Variants in PCNT observed in about 807,000 individuals in gnomAD.
The protein encoded by PCNT is pericentrin, also known as kendrin.
In PCNT, 319 loss-of-function variants were observed where a neutral mutation model predicts 380.4. The observed-to-expected ratio is 0.84, with a 90% CI of 0.77 to 0.92. The LOEUF is 0.92. PCNT is among the 40% of genes least tolerant of loss of function. PCNT has a pLI of 0.00. For missense variants in PCNT, 4,400 were observed against 4,255.3 expected, an observed-to-expected ratio of 1.03 and a Z score of -0.95; for synonymous variants, 1,845 against 1,735.2, an observed-to-expected ratio of 1.06 and a Z score of -1.57.
intron 32 of PCNT, among the ~76,000 whole-genome samples, 166 bp downstream of exon 32, chr21:46,422,290 C>T (rs1419425802): frequency 6.6e-6 from 1 of 152,190 alleles, no homozygotes; most frequent in East Asian, 1.9e-4. Context: ...CCCACGGTGG[C>T]CCCGGAAGCC....
chr21:46,379,043 C>T (rs1036628146), intron 15 of PCNT, among the ~76,000 whole-genome samples: 3 of 152,158 alleles, frequency 2.0e-5, no homozygotes, highest in East Asian at 1.9e-4. Flanking sequence ...TGTTTCAGCC[C>T]GAAGGACTTC....
rs1468321620 is a variant in PCNT, at chr21:46,366,857, G to A, written c.2883G>A (p.Glu961=). 1.2e-6 allele frequency: 2 copies of A among 1,614,102 alleles called. No individual in the cohort carries two copies. The highest frequency in any genetic ancestry group is 1.7e-5 in the Admixed American group (1 of 60,030). ...TKHAADLGAL[E]TRHLSSLDSL... is the part of the protein sequence containing the mutation. The stretch of plus-strand genomic sequence containing the variant: ...ACGCTGCCGACCTCGGCGCTCTGGA[G>A]ACCAGACATCTGTCCAGCCTTGATT... The change falls in exon 15 of 47, where the codon GAG becomes GAA. Residue 961 remains glutamate, a synonymous_variant. Coordinates refer to ENST00000359568, the MANE Select transcript of PCNT (RefSeq NM_006031.6).
Position 46,436,994 on chromosome 21 carries a change from G to C in PCNT, c.9012G>C (p.Trp3004Cys). The C allele has an allele frequency of 6.2e-7, 1 of 1,613,806 alleles. No individual in the cohort carries two copies. Among genetic ancestry groups the C allele is most frequent in the Non-Finnish European group, 8.5e-7 (1 of 1,179,664 alleles). Reference sequence around the variant, plus strand: ...ATTTTTACAGGACAGTTAATGATTGGACGTCATCCAATGAGAAAGCAGTGA... The same window carrying C: ...ATTTTTACAGGACAGTTAATGATTGCACGTCATCCAATGAGAAAGCAGTGA... ...SQAVDRTVNDWTSSNEKAVMS... is the reference protein window; with the variant it reads ...SQAVDRTVNDCTSSNEKAVMS... Residue 3004 changes from tryptophan (W) to cysteine (C), a missense_variant, in exon 40 of 47, where the codon TGG becomes TGC. By Grantham distance (215) the Trp-to-Cys change is radical. Transcript: ENST00000359568.
Position 46,445,325 on chromosome 21 carries a change from T to G in PCNT, c.10009T>G (p.Ter3337GlyextTer38). ...KKSCHPMIKQ[*>G] The stretch of plus-strand genomic sequence containing the variant: ...ATCCTGCCACCCGATGATTAAACAG[T>G]GAATAAAATGTCATGGCTCTTTCCT... Residue 3337 changes from the stop codon to glycine (G), a stop_lost, in exon 47 of 47, where the codon TGA (stop) becomes GGA (glycine). Coordinates refer to ENST00000359568, the MANE Select transcript of PCNT (RefSeq NM_006031.6). The G allele has an allele frequency of 6.2e-7, 1 of 1,602,094 alleles. No individual in the cohort carries two copies.
intron 15 of PCNT, among the ~76,000 whole-genome samples, chr21:46,367,421 C>T (rs1413183621): frequency 1.3e-5 from 2 of 151,560 alleles, no homozygotes; most frequent in Non-Finnish European, 2.9e-5. Context: ...GATTCTTCTG[C>T]CTCAGCCTCC....
chr21:46,399,160 T>A (rs2086313816), intron 24 of PCNT, among the ~76,000 whole-genome samples: 1 of 152,130 alleles, frequency 6.6e-6, no homozygotes, highest in African/African-American at 2.4e-5. Flanking sequence ...TTCATTTTCC[T>A]AACAAATTCT....
chr21:46,363,547 T>TGA lies in PCNT; in HGVS notation c.2223_2224dup (p.Lys742ArgfsTer15). ...AATGCTAAGCAAAAGACTGAGCTGA[T>TGA]GAAACAGGAATTCCAAAGAAAAGAA... is the stretch of plus-strand genomic sequence containing the variant. On this transcript the variant is annotated frameshift_variant, in exon 14 of 47. Transcript: ENST00000359568. LOFTEE classifies it high-confidence loss of function. 6.2e-7 allele frequency: 1 copy of TGA among 1,613,932 alleles called. No homozygotes were observed. The highest frequency in any genetic ancestry group is 8.5e-7 in the Non-Finnish European group (1 of 1,179,958).
chr21:46,359,307 C>T (rs1025403690), intron 13 of PCNT, among the ~76,000 whole-genome samples: 1 of 144,672 alleles, frequency 6.9e-6, no homozygotes, highest in Non-Finnish European at 1.5e-5. Context: ...CACCATTTTA[C>T]CTCCTTATAT....
chr21:46,333,598 C>CAAA (rs1265854909), intron 2 of PCNT, among the ~76,000 whole-genome samples: 1 of 132,354 alleles, frequency 7.6e-6, no homozygotes. Flanking sequence ...AACTTTGTCT[C>CAAA]AAAAAAAAAA....
chr21:46,373,135 C>T (rs1185414040), intron 15 of PCNT, among the ~76,000 whole-genome samples: 2 of 152,174 alleles, frequency 1.3e-5, no homozygotes, highest in Non-Finnish European at 2.9e-5. Context: ...GTCCTCCTGC[C>T]TCAGCCTCTT....
chr21:46,388,742 A>C lies in PCNT; in HGVS notation c.3465A>C (p.Arg1155Ser). 6.2e-7 allele frequency: 1 copy of C among 1,613,722 alleles called. No homozygotes were observed. The highest frequency in any genetic ancestry group is 8.5e-7 in the Non-Finnish European group (1 of 1,179,962). Residue 1155 changes from arginine to serine, a missense_variant and splice_region_variant, in exon 18 of 47, where the codon AGA becomes AGC. Physicochemically the swap from Arg to Ser is moderately radical, Grantham distance 110. Coordinates refer to ENST00000359568, the MANE Select transcript of PCNT (RefSeq NM_006031.6). This position sits in a 1 kb window ranked among gnomAD's most constrained non-coding sequence, Gnocchi z 4.2. ...KADVNLSHSE[R>S]GALQDALRRL... ...TGATGATGGGTGTCTCCTGTCTCAGAGGGGCCCTCCAGGACGCCCTGCGCA... is the reference window on the plus strand; with the variant it reads ...TGATGATGGGTGTCTCCTGTCTCAGCGGGGCCCTCCAGGACGCCCTGCGCA...
chr21:46,403,699 C>T (rs559252933), intron 27 of PCNT, among the ~76,000 whole-genome samples: 75 of 136,158 alleles, frequency 5.5e-4, no homozygotes, highest in African/African-American at 1.8e-3. Flanking sequence ...CCACGCGGCA[C>T]GTGCTTGGTG....
chr21:46,381,707 G>A lies in PCNT; in HGVS notation c.3179G>A (p.Ser1060Asn). The A allele has an allele frequency of 6.2e-7, 1 of 1,613,942 alleles. No individual in the cohort carries two copies. Residue 1060 changes from serine to asparagine, a missense_variant, in exon 16 of 47, where the codon AGT becomes AAT. By Grantham distance (46) the Ser-to-Asn change is conservative. Transcript: ENST00000359568. ...LQGVHQGEFG[S>N]EKKTALHEKE... is the part of the protein sequence containing the mutation. ...TGATGTGTACAGGGTGAATTTGGAA[G>A]TGAAAAGAAAACTGCTTTGCATGAA...
chr21:46,435,168 C>G lies in PCNT; in HGVS notation c.8752-736C>G, dbSNP rs143180270. Among the ~76,000 whole-genome samples the G allele has an allele frequency of 3.0e-4, 45 of 152,230 alleles. 1 individual carries two copies. The highest frequency in any genetic ancestry group is 1.1e-3 in the African/African-American group (45 of 41,530). ...CTGTTTCTGGTCTGTGAGGGGCCTC[C>G]CCTGTAACGCGGCTGTGTGTTTTGG... On this transcript the variant is annotated intron_variant, in intron 38 of 46. Coordinates refer to ENST00000359568, the MANE Select transcript of PCNT (RefSeq NM_006031.6).
At chr21:46,395,204 A>G (rs2086167697) in intron 21 of PCNT, among the ~76,000 whole-genome samples, 1 of 152,250 alleles carries the variant, frequency 6.6e-6, no homozygotes, top group Admixed American at 6.5e-5. Flanking sequence ...GTGATAAAAG[A>G]CTTAACACTT....
At chr21:46,436,172 C>G in intron 39 of PCNT, 24 bp downstream of exon 39, 1 of 1,601,532 alleles carries the variant, frequency 6.2e-7, no homozygotes, top group Non-Finnish European at 8.5e-7. Flanking sequence ...CCACCTGGCG[C>G]TCACTGGTCC....
intron 17 of PCNT, among the ~76,000 whole-genome samples, chr21:46,387,237 G>A (rs2085869554): frequency 6.6e-6 from 1 of 152,184 alleles, no homozygotes; most frequent in Non-Finnish European, 1.5e-5. Context: ...GTCTGTGCAG[G>A]TCTCTCTTTG....
At position 46,346,127 on chromosome 21, in the gene PCNT, G is replaced by A; in HGVS notation, c.640-1G>A. 6.2e-7 allele frequency: 1 copy of A among 1,614,102 alleles called. No individual in the cohort carries two copies. On this transcript the variant is annotated splice_acceptor_variant, in intron 3 of 46. Transcript: ENST00000359568. LOFTEE classifies it high-confidence loss of function. ...CTACATTCTTTGCCTTTTTTCCCCAGGAGTGTGAACAAGAATGTGAACTTG... is the reference window on the plus strand; with the variant it reads ...CTACATTCTTTGCCTTTTTTCCCCAAGAGTGTGAACAAGAATGTGAACTTG...
Position 46,398,034 on chromosome 21 carries a change from G to A in PCNT, c.4467G>A (p.Glu1489=), listed in dbSNP as rs2086265253. The A allele has an allele frequency of 6.3e-7, 1 of 1,590,848 alleles. No homozygotes were observed. Among genetic ancestry groups the A allele is most frequent in the African/African-American group, 1.3e-5 (1 of 74,612 alleles). ...CCCAGGAGCAGGCAGCCGAGCGGGA[G>A]CACGAGCGCGAGGAGTTCCAGCAGG... ...QFMDEQAAER[E]HEREEFQQEI... The change falls in exon 23 of 47, where the codon GAG becomes GAA. Residue 1489 remains glutamate (E), a synonymous_variant. Transcript: ENST00000359568.
Sources: allele counts gnomAD v4.1 joint callset (sites outside exome capture counted in the v4.1 genomes callset), GRCh38; gene constraint gnomAD v4.1.1; non-coding constraint Gnocchi (gnomAD v3.1); transcripts MANE v1.5; gene names NCBI Gene and HGNC (gene_info 2026-07-23, HGNC 2026-07-21).